The following LPP variants were observed in gnomAD, a reference collection of about 807,000 sequenced individuals.
LPP encodes LIM domain containing preferred translocation partner in lipoma.
In LPP, 38 loss-of-function variants were observed where a neutral mutation model predicts 60.4. The observed-to-expected ratio is 0.63, with a 90% confidence interval of 0.49 to 0.83. The LOEUF (loss-of-function observed/expected upper bound fraction) is 0.83, where lower values mean the gene tolerates loss of function less well. LPP is among the 40% of genes least tolerant of loss of function. LPP has a pLI of 0.00. For missense variants in LPP, 902 were observed against 783.6 expected, an observed-to-expected ratio of 1.15 and a Z score of -1.80; for synonymous variants, 328 against 290.8, an observed-to-expected ratio of 1.13 and a Z score of -1.30.
At chr3:188,447,518 G>A (rs1795509502) in intron 4 of LPP, among the ~76,000 whole-genome samples, 1 of 151,536 alleles carries the variant, frequency 6.6e-6, no homozygotes, top group Non-Finnish European at 1.5e-5. Flanking sequence ...GCTGAGGCAG[G>A]AGAATTACTT....
At chr3:188,580,157 A>G (rs1835737852) in intron 6 of LPP, among the ~76,000 whole-genome samples, 1 of 152,192 alleles carries the variant, frequency 6.6e-6, no homozygotes, top group African/African-American at 2.4e-5. Context: ...TATTTTAACC[A>G]GAAAAATAAC....
intron 3 of LPP, among the ~76,000 whole-genome samples, chr3:188,399,085 C>T (rs1215007708): frequency 6.6e-6 from 1 of 152,192 alleles, no homozygotes; most frequent in Non-Finnish European, 1.5e-5. Flanking sequence ...GCAGAGTTGT[C>T]ATTTGTACCA....
intron 1 of LPP, among the ~76,000 whole-genome samples, chr3:188,164,155 T>G (rs1719239203): frequency 6.6e-6 from 1 of 152,182 alleles, no homozygotes; most frequent in Non-Finnish European, 1.5e-5. Flanking sequence ...TGGAGCCTTT[T>G]GGAAGTGCTG....
At chr3:188,336,620 A>G (rs1761715066) in intron 2 of LPP, among the ~76,000 whole-genome samples, 1 of 152,200 alleles carries the variant, frequency 6.6e-6, no homozygotes, top group African/African-American at 2.4e-5. Context: ...GGCAACATAC[A>G]GCTGTTACTT....
At chr3:188,602,748 G>A (rs1023567251) in intron 6 of LPP, among the ~76,000 whole-genome samples, 1 of 146,594 alleles carries the variant, frequency 6.8e-6, no homozygotes, top group Non-Finnish European at 1.5e-5. Flanking sequence ...AAAAGGAGAA[G>A]AGTAACTTAG....
chr3:188,617,606 T>C (rs1001030036), intron 7 of LPP, among the ~76,000 whole-genome samples: 4 of 152,172 alleles, frequency 2.6e-5, no homozygotes, highest in African/African-American at 7.2e-5. Context: ...AATCTCTCTA[T>C]CCTGATTTTA....
chr3:188,538,717 G>A (rs985609098), intron 6 of LPP, among the ~76,000 whole-genome samples: 6 of 152,100 alleles, frequency 3.9e-5, no homozygotes, highest in Admixed American at 6.6e-5. Context: ...ACCACACAAA[G>A]ACCTGTATAG....
At chr3:188,448,683 G>A (rs1197835627) in intron 4 of LPP, among the ~76,000 whole-genome samples, 1 of 152,098 alleles carries the variant, frequency 6.6e-6, no homozygotes, top group Non-Finnish European at 1.5e-5. Flanking sequence ...TGTGTGGCCT[G>A]TGCTATAACT....
chr3:188,690,271 G>A (rs113070791), intron 7 of LPP, among the ~76,000 whole-genome samples: 7,249 of 152,180 alleles, frequency 0.048, 205 homozygotes, highest in South Asian at 0.1. Flanking sequence ...TGTTCATTAC[G>A]CTATGTGACA....
intron 10 of LPP, 77 bp downstream of exon 10, chr3:188,866,455 C>A (rs887298265): frequency 9.4e-6 from 11 of 1,174,090 alleles, no homozygotes; most frequent in Non-Finnish European, 1.1e-5. Context: ...TCTGGGCATA[C>A]ATTCTTCTCT....
intron 3 of LPP, among the ~76,000 whole-genome samples, chr3:188,384,621 C>A (rs1330998405): frequency 6.6e-6 from 1 of 151,762 alleles, no homozygotes; most frequent in Non-Finnish European, 1.5e-5. Context: ...GAAACCCCGC[C>A]TCTACTAAAA....
intron 7 of LPP, among the ~76,000 whole-genome samples, chr3:188,637,311 C>G (rs1580589535): frequency 3.9e-5 from 6 of 152,206 alleles, no homozygotes; most frequent in Admixed American, 3.3e-4. Context: ...TTCTTTGAAA[C>G]CAATGAGAAC....
intron 11 of LPP, 132 bp downstream of exon 11, chr3:188,872,895 T>G: frequency 8.3e-7 from 1 of 1,201,828 alleles, no homozygotes; most frequent in Non-Finnish European, 1.1e-6. Context: ...GACTTGGGTT[T>G]TAGATTTGAC....
At chr3:188,770,168 CTTTT>C (rs57278260) in intron 9 of LPP, among the ~76,000 whole-genome samples, 1 of 64,598 alleles carries the variant, frequency 1.5e-5, no homozygotes, top group East Asian at 6.5e-4. Flanking sequence ...AGTTATAATT[CTTTT>C]TTTTTTTTTT....
At chr3:188,372,471 G>A (rs1773566433) in intron 3 of LPP, among the ~76,000 whole-genome samples, 2 of 152,096 alleles carry the variant, frequency 1.3e-5, no homozygotes, top group East Asian at 1.9e-4. Flanking sequence ...GCTTCCTACT[G>A]GAATCTGAAT....
At chr3:188,551,793 A>G (rs1288553494) in intron 6 of LPP, among the ~76,000 whole-genome samples, 1 of 152,126 alleles carries the variant, frequency 6.6e-6, no homozygotes, top group African/African-American at 2.4e-5. Flanking sequence ...GTGGACATTC[A>G]CTAATGTAGG....
chr3:188,215,390 A>G (rs1445844370), intron 1 of LPP, among the ~76,000 whole-genome samples: 1 of 151,836 alleles, frequency 6.6e-6, no homozygotes, highest in Non-Finnish European at 1.5e-5. Context: ...GGCCTCTTTC[A>G]TCTTGCAATC....
At chr3:188,783,599 G>A (rs1223490859) in intron 9 of LPP, among the ~76,000 whole-genome samples, 2 of 151,952 alleles carry the variant, frequency 1.3e-5, no homozygotes, top group Non-Finnish European at 2.9e-5. Flanking sequence ...ATAGCTGTTG[G>A]GTACTGGGCT....
chr3:188,342,024 G>A, intron 3 of LPP, among the ~76,000 whole-genome samples: 1 of 152,168 alleles, frequency 6.6e-6, no homozygotes, highest in East Asian at 1.9e-4. Flanking sequence ...GGAGTAGAAT[G>A]TGCTTAACCA....
Sources: gnomAD v4.1 joint callset for allele counts (sites outside exome capture counted in the v4.1 genomes callset) on GRCh38, gnomAD v4.1.1 for gene constraint, MANE v1.5 for transcripts, NCBI Gene and HGNC (gene_info 2026-07-23, HGNC 2026-07-21) for gene names.